GTF2IRD1: variants seen among roughly 807,000 people sequenced by gnomAD.
GTF2IRD1 encodes the protein general transcription factor II-I repeat domain-containing protein 1.
GTF2IRD1 carries 26 observed loss-of-function variants against 113.2 expected under a neutral mutation model. The ratio of observed to expected loss-of-function variants is 0.23; its 90% CI spans 0.17 to 0.32. The LOEUF is 0.32. Ranked by LOEUF, GTF2IRD1 falls within the 10% of genes least tolerant of loss-of-function variation. The pLI, the probability that GTF2IRD1 is intolerant of heterozygous loss-of-function variation, is 1.00. For missense variants in GTF2IRD1, 864 were observed against 1,280.8 expected, an observed-to-expected ratio of 0.67 and a Z score of 4.97; for synonymous variants, 484 against 529.1, an observed-to-expected ratio of 0.91 and a Z score of 1.17.
chr7:74,519,409 G>T lies in GTF2IRD1; in HGVS notation c.606G>T (p.Arg202Ser). Residue 202 changes from arginine to serine, a missense_variant and splice_region_variant, in exon 6 of 27, where the codon AGG becomes AGT. This residue lies in a region of GTF2IRD1 where 195 missense variants were observed against 196.6 expected (regional missense o/e 0.99). Coordinates refer to ENST00000424337, the MANE Select transcript of GTF2IRD1 (RefSeq NM_005685.4). Reference protein sequence around the residue: ...HSHRIRFKLKRPLEDGGRDSK... With the variant: ...HSHRIRFKLKSPLEDGGRDSK... Reference sequence around the variant, plus strand: ...TCCATGTGTCCTCTCCTTTACTCAGGCCACTTGAGGATGGCGGGCGGGACT... The same window carrying T: ...TCCATGTGTCCTCTCCTTTACTCAGTCCACTTGAGGATGGCGGGCGGGACT... 6.6e-7 allele frequency: 1 copy of T among 1,523,140 alleles called. No homozygotes were observed. Among genetic ancestry groups the T allele is most frequent in the Non-Finnish European group, 8.8e-7 (1 of 1,135,494 alleles). 94.4% of individuals were successfully genotyped at this position (1,523,140 alleles called of 1,614,324 possible).
At chr7:74,520,839 ATAC>A (rs1797244164) in intron 6 of GTF2IRD1, among the ~76,000 whole-genome samples, 3 of 95,880 alleles carry the variant, frequency 3.1e-5, no homozygotes, top group South Asian at 4.4e-4. Flanking sequence ...TAAGTTATAT[ATAC>A]TATTATTATT....
chr7:74,518,448 A>T (rs1390787916), intron 5 of GTF2IRD1, 126 bp downstream of exon 5: 3 of 696,506 alleles, frequency 4.3e-6, no homozygotes, highest in Admixed American at 3.0e-5. Flanking sequence ...CCTGGTGGTG[A>T]AAGCTCCCAG....
chr7:74,543,232 G>A (rs1212344769), intron 14 of GTF2IRD1, among the ~76,000 whole-genome samples: 2 of 152,176 alleles, frequency 1.3e-5, no homozygotes, highest in Admixed American at 1.3e-4. Flanking sequence ...AACCCAGGAG[G>A]CAGAGGTTGC....
chr7:74,577,139 G>C (rs1239906857), intron 22 of GTF2IRD1, among the ~76,000 whole-genome samples: 1 of 152,022 alleles, frequency 6.6e-6, no homozygotes, highest in Non-Finnish European at 1.5e-5. Flanking sequence ...CTGAGTTCAA[G>C]CAATTCTCCT....
chr7:74,567,338 AG>A (rs1554360990), intron 22 of GTF2IRD1, among the ~76,000 whole-genome samples: 1 of 151,924 alleles, frequency 6.6e-6, no homozygotes, highest in African/African-American at 2.4e-5. Context: ...AAAATAAAAA[AG>A]AAAAAAAAAA....
chr7:74,564,030 G>GTTTT (rs1317287742), intron 22 of GTF2IRD1, among the ~76,000 whole-genome samples: 7 of 151,602 alleles, frequency 4.6e-5, no homozygotes, highest in African/African-American at 1.7e-4. Context: ...GTTTTGTTTT[G>GTTTT]TTTTTTTGTT....
In GTF2IRD1 at chr7:74,589,974, G is replaced by C. The variant is rs1396591766; in HGVS notation, c.2398+46G>C. On this transcript the variant is annotated intron_variant, in intron 23 of 26. Coordinates refer to ENST00000424337, the MANE Select transcript of GTF2IRD1 (RefSeq NM_005685.4). Reference sequence around the variant, plus strand: ...TCAGCACACCAAGCCCTCCTCCCGGGGGTGGTGGGGGGCCTCCCTCTGCAG... The same window carrying C: ...TCAGCACACCAAGCCCTCCTCCCGGCGGTGGTGGGGGGCCTCCCTCTGCAG... The C allele has an allele frequency of 8.8e-6, 11 of 1,257,044 alleles. No homozygotes were observed. In the Admixed American group the frequency reaches 8.9e-5, roughly 10 times the overall value. The allele number at this position is 1,257,044 out of a possible 1,614,324, so 77.9% of individuals were successfully genotyped here.
At chr7:74,528,701 A>AGATGGGTGGATGGATGGATG (rs1797743454) in intron 8 of GTF2IRD1, among the ~76,000 whole-genome samples, 1 of 143,054 alleles carries the variant, frequency 7.0e-6, no homozygotes, top group Non-Finnish European at 1.5e-5. Flanking sequence ...AGGGAAGGAA[A>AGATGGGTGGATGGATGGATG]GATGGGTGGA....
chr7:74,553,319 G>C (rs1357264029), intron 17 of GTF2IRD1, among the ~76,000 whole-genome samples: 3 of 151,640 alleles, frequency 2.0e-5, no homozygotes, highest in Non-Finnish European at 4.4e-5. Context: ...TAAGAGACAA[G>C]TCTTTCTTTA....
At chr7:74,518,064 CTG>C in intron 4 of GTF2IRD1, 73 bp from the exon 5 acceptor site, 4 of 1,096,314 alleles carry the variant, frequency 3.6e-6, no homozygotes, top group Non-Finnish European at 5.1e-6. Context: ...TGCCCCCACT[CTG>C]GGGCACAGCA....
intron 2 of GTF2IRD1, among the ~76,000 whole-genome samples, chr7:74,511,092 G>C (rs2130087459): frequency 6.6e-6 from 1 of 152,174 alleles, no homozygotes; most frequent in East Asian, 1.9e-4. Context: ...GTGGTCTAGT[G>C]AGTGTTTCAG....
intron 22 of GTF2IRD1, chr7:74,571,257 G>A: frequency 3.7e-6 from 1 of 273,454 alleles, no homozygotes; most frequent in Non-Finnish European, 5.6e-6. Context: ...TGCCTCCCCT[G>A]GGGCCACCCT....
intron 22 of GTF2IRD1, among the ~76,000 whole-genome samples, chr7:74,561,897 G>T (rs587724590): frequency 1.3e-5 from 2 of 152,264 alleles, no homozygotes; most frequent in East Asian, 3.9e-4. Context: ...ACTGAGGCTC[G>T]GTGTGAGTGA....
intron 15 of GTF2IRD1, 52 bp downstream of exon 15, chr7:74,544,854 C>T (rs111761522): frequency 3.4e-6 from 5 of 1,452,692 alleles, no homozygotes; most frequent in Admixed American, 1.8e-5. Context: ...CCCCATCTCT[C>T]TTCCCCTGCC....
At chr7:74,577,136 C>T (rs587691980) in intron 22 of GTF2IRD1, among the ~76,000 whole-genome samples, 3 of 152,238 alleles carry the variant, frequency 2.0e-5, no homozygotes, top group East Asian at 1.9e-4. Context: ...CTCCTGAGTT[C>T]AAGCAATTCT....
At chr7:74,578,226 G>C (rs1583939973) in intron 22 of GTF2IRD1, among the ~76,000 whole-genome samples, 1 of 152,132 alleles carries the variant, frequency 6.6e-6, no homozygotes, top group Admixed American at 6.5e-5. Flanking sequence ...CTGTCGCCCA[G>C]GCTGGAGTGA....
chr7:74,493,418 C>G (rs1795477347), intron 1 of GTF2IRD1, among the ~76,000 whole-genome samples: 1 of 152,048 alleles, frequency 6.6e-6, no homozygotes, highest in South Asian at 2.1e-4. Flanking sequence ...GCCATGACCT[C>G]TTCTTATAAG....
intron 22 of GTF2IRD1, among the ~76,000 whole-genome samples, chr7:74,561,946 G>A (rs1287629387): frequency 2.6e-5 from 4 of 152,126 alleles, no homozygotes; most frequent in African/African-American, 7.2e-5. Flanking sequence ...GCAGGTGGTC[G>A]TGGCCTCAGC....
intron 5 of GTF2IRD1, 62 bp downstream of exon 5, chr7:74,518,384 G>A: frequency 7.3e-7 from 1 of 1,370,616 alleles, no homozygotes; most frequent in Non-Finnish European, 9.9e-7. Flanking sequence ...TCAGGGCCGG[G>A]GGCTGGAGGC....
Sources: allele counts gnomAD v4.1 joint callset (sites outside exome capture counted in the v4.1 genomes callset), GRCh38; gene constraint gnomAD v4.1.1; regional missense constraint gnomAD v4.1.1; transcripts MANE v1.5; gene names NCBI Gene and HGNC (gene_info 2026-07-23, HGNC 2026-07-21).